MYL2: variants seen among roughly 807,000 people sequenced by gnomAD.
MYL2 encodes myosin regulatory light chain 2, ventricular/cardiac muscle isoform.
A neutral mutation model predicts 23.0 loss-of-function variants in MYL2; 19 were observed. The observed-to-expected ratio is 0.83, with a 90% confidence interval of 0.58 to 1.21. The LOEUF (loss-of-function observed/expected upper bound fraction) is 1.21, where lower values mean the gene tolerates loss of function less well. Among genes scored for constraint, MYL2 ranks in the 50% most tolerant of loss-of-function variants. The pLI is 0.00. For missense variants in MYL2, 180 were observed against 215.1 expected (o/e 0.84, Z 1.02); for synonymous variants, 78 against 76.2 (o/e 1.02, Z -0.13).
chr12:110,920,637 A>C, upstream of MYL2: 4 of 1,556,614 alleles, frequency 2.6e-6, no homozygotes, highest in Non-Finnish European at 3.5e-6. Context: ...AAATAACCCC[A>C]TGACCGCTTT....
chr12:110,920,009 A>G (rs934569693), intron 1 of MYL2, among the ~76,000 whole-genome samples: 2 of 152,108 alleles, frequency 1.3e-5, no homozygotes, highest in African/African-American at 4.8e-5. Flanking sequence ...TGGGGAGTTG[A>G]ACTTGGGCAT....
chr12:110,914,129 C>T, intron 4 of MYL2, 57 bp downstream of exon 4: 1 of 1,290,554 alleles, frequency 7.7e-7, no homozygotes, highest in Non-Finnish European at 1.1e-6. Flanking sequence ...TCTGCCAGCC[C>T]CCCCGAAGAA....
rs529267733 is a variant in MYL2 at position 110,911,050 on chromosome 12, G to A, written c.*27C>T. 4.0e-5 allele frequency: 64 copies of A among 1,598,044 alleles called. No individual in the cohort carries two copies. The South Asian group carries it at 6.8e-4, about 17-fold the overall frequency. ...GGCAGGGACCACTCTGCAAAGACGA[G>A]CCCAGGGCGCAGCAGCGAGCCCCCT... On this transcript the variant is annotated 3_prime_UTR_variant, in exon 7 of 7. Coordinates refer to ENST00000228841, the MANE Select transcript of MYL2 (RefSeq NM_000432.4).
chr12:110,913,373 C>CT (rs781342902), intron 4 of MYL2, 49 bp from the exon 5 acceptor site: 1 of 1,604,488 alleles, frequency 6.2e-7, no homozygotes, highest in Non-Finnish European at 8.5e-7. Context: ...CTGGGAACCA[C>CT]TGGCACCCCA....
intron 2 of MYL2, 145 bp from the exon 3 acceptor site, chr12:110,915,935 A>G (rs1241945198): frequency 3.9e-6 from 3 of 767,786 alleles, no homozygotes; most frequent in South Asian, 1.4e-5. Context: ...ACAATTGAAG[A>G]TAATCCAACA....
At chr12:110,913,844 C>A (rs2071670647) in intron 4 of MYL2, among the ~76,000 whole-genome samples, 1 of 152,192 alleles carries the variant, frequency 6.6e-6, no homozygotes, top group African/African-American at 2.4e-5. Context: ...CCTCTGACAT[C>A]CCGGTTCAAG....
intron 2 of MYL2, among the ~76,000 whole-genome samples, chr12:110,916,839 C>CTATTTATT (rs199753906): frequency 1.0e-3 from 159 of 151,802 alleles, no homozygotes; most frequent in Middle Eastern, 6.8e-3. Context: ...CTCTATAAAG[C>CTATTTATT]TATTTATTTA....
upstream of MYL2, among the ~76,000 whole-genome samples, chr12:110,920,980 C>T (rs973953828): frequency 7.9e-5 from 12 of 152,224 alleles, no homozygotes; most frequent in Admixed American, 7.2e-4. Context: ...TGTCAGTCAT[C>T]GCACGGCTCC....
intron 3 of MYL2, 142 bp downstream of exon 3, chr12:110,915,573 A>G (rs1035812258): frequency 3.6e-6 from 3 of 832,586 alleles, no homozygotes; most frequent in Non-Finnish European, 6.3e-6. Flanking sequence ...CATCCCCTGA[A>G]ATTTGTCTTA....
At chr12:110,919,813 A>G (rs1566150667) in intron 1 of MYL2, among the ~76,000 whole-genome samples, 2 of 152,280 alleles carry the variant, frequency 1.3e-5, no homozygotes, top group South Asian at 4.1e-4. Context: ...AATAACAGCA[A>G]ATGATTCGGT....
At position 110,919,206 on chromosome 12, in the gene MYL2, A is replaced by G. The variant is rs199474806; in HGVS notation, c.4-13T>C. 1.2e-6 allele frequency: 2 copies of G among 1,611,178 alleles called. No homozygotes were observed. The highest frequency in any genetic ancestry group is 1.1e-5 in the South Asian group (1 of 90,854). On this transcript the variant is annotated splice_polypyrimidine_tract_variant and intron_variant, in intron 1 of 6. Coordinates refer to ENST00000228841, the MANE Select transcript of MYL2 (RefSeq NM_000432.4). ...CTTTCTTAGGTGCCTGGGGGAAAAA[A>G]GCATCGATTAAAAGAGTGAGAGGCT... is the stretch of plus-strand genomic sequence containing the variant.
chr12:110,915,936 T>A (rs1181221656), intron 2 of MYL2, 146 bp from the exon 3 acceptor site: 4 of 767,400 alleles, frequency 5.2e-6, no homozygotes, highest in Non-Finnish European at 7.1e-6. Context: ...CAATTGAAGA[T>A]AATCCAACAG....
At chr12:110,921,400 C>T (rs995476222), upstream of MYL2, among the ~76,000 whole-genome samples, 3 of 152,148 alleles carry the variant, frequency 2.0e-5, no homozygotes, top group African/African-American at 2.4e-5. Flanking sequence ...TCCTGCGCTC[C>T]GATCTCCCTT....
chr12:110,913,404 C>T (rs1322364630), intron 4 of MYL2, 80 bp from the exon 5 acceptor site: 3 of 1,469,566 alleles, frequency 2.0e-6, no homozygotes, highest in Admixed American at 1.7e-5. Context: ...CCCAAGTTCC[C>T]CCAGAGATGA....
chr12:110,914,268 T>A lies in MYL2; in HGVS notation c.192A>T (p.Glu64Asp). Residue 64 changes from glutamate (E) to aspartate (D), a missense_variant, in exon 4 of 7, where the codon GAA becomes GAT. Glu to Asp is a conservative substitution (Grantham distance 45). Transcript: ENST00000228841. Reference protein sequence around the residue: ...AALGRVNVKNEEIDEMIKEAP... With the variant: ...AALGRVNVKNDEIDEMIKEAP... ...CCTCCTTGATCATTTCATCAATTTC[T>A]TCATTTTTCACGTTCACTCGCCCTA... The A allele has an allele frequency of 6.2e-7, 1 of 1,614,042 alleles. No individual in the cohort carries two copies. The highest frequency in any genetic ancestry group is 8.5e-7 in the Non-Finnish European group (1 of 1,179,952).
At chr12:110,912,560 T>C (rs2071660585) in intron 6 of MYL2, among the ~76,000 whole-genome samples, 4 of 152,196 alleles carry the variant, frequency 2.6e-5, no homozygotes, top group Admixed American at 2.6e-4. Flanking sequence ...ATTAGTGTTG[T>C]TATTTTATTT....
upstream of MYL2, chr12:110,920,844 T>C (rs567532357): frequency 2.1e-4 from 108 of 509,688 alleles, no homozygotes; most frequent in South Asian, 2.4e-3. Context: ...CCGGGGACAC[T>C]TGTGCTTGTC....
At chr12:110,921,111 C>T (rs1436049249), upstream of MYL2, among the ~76,000 whole-genome samples, 1 of 152,218 alleles carries the variant, frequency 6.6e-6, no homozygotes, top group African/African-American at 2.4e-5. Flanking sequence ...GAAATCCCAG[C>T]ACGGCGGGAG....
In MYL2 at chr12:110,919,135, AACATGGAGAAC is replaced by A. The variant is rs754744244; in HGVS notation, c.51_61del (p.Phe18ArgfsTer9). The A allele has an allele frequency of 8.1e-6, 13 of 1,613,970 alleles. No individual in the cohort carries two copies. In the South Asian group the frequency reaches 1.4e-4, roughly 18 times the overall value. On this transcript the variant is annotated frameshift_variant, in exon 2 of 7. Coordinates refer to ENST00000228841, the MANE Select transcript of MYL2 (RefSeq NM_000432.4). LOFTEE classifies it high-confidence loss of function. The stretch of plus-strand genomic sequence containing the variant: ...AAATTCCTGGATTTGGGTCTGTTCG[AACATGGAGAAC>A]ACGTTGGAGTTGGCGCCCCCGGCTC...
Sources: allele counts gnomAD v4.1 joint callset (sites outside exome capture counted in the v4.1 genomes callset), GRCh38; gene constraint gnomAD v4.1.1; transcripts MANE v1.5; gene names NCBI Gene and HGNC (gene_info 2026-07-23, HGNC 2026-07-21).